SCN9A: variants seen among roughly 807,000 people sequenced by gnomAD.
SCN9A encodes sodium channel protein type 9 subunit alpha.
A neutral mutation model predicts 187.0 loss-of-function variants in SCN9A; 131 were observed. The ratio of observed to expected loss-of-function variants is 0.70; its 90% CI spans 0.61 to 0.81. SCN9A has a LOEUF of 0.81. SCN9A is among the 30% of genes least tolerant of loss of function. SCN9A has a pLI of 0.00. For missense variants in SCN9A, 2,252 were observed against 2,396.6 expected, an observed-to-expected ratio of 0.94 and a Z score of 1.26; for synonymous variants, 809 against 808.6, an observed-to-expected ratio of 1.00 and a Z score of -0.01.
At chr2:166,259,106 T>G (rs1178105548) in intron 17 of SCN9A, 1 of 151,768 alleles carries the variant, frequency 6.6e-6, no homozygotes, top group Non-Finnish European at 1.5e-5. Context: ...CAACTGTATA[T>G]GTTTCTACTT....
intron 1 of SCN9A, among the ~76,000 whole-genome samples, chr2:166,323,308 G>T (rs981436748): frequency 6.6e-6 from 1 of 152,140 alleles, no homozygotes; most frequent in Non-Finnish European, 1.5e-5. Context: ...TAGAGACTCT[G>T]TGTGCCTGGT....
intron 26 of SCN9A, among the ~76,000 whole-genome samples, chr2:166,202,233 GC>G (rs1272755686): frequency 1.4e-5 from 2 of 147,162 alleles, no homozygotes; most frequent in African/African-American, 5.0e-5. Context: ...TTTGTGTTTT[GC>G]ATAGAAAGGA....
chr2:166,312,151 T>C (rs988814228), intron 1 of SCN9A, among the ~76,000 whole-genome samples: 5 of 152,218 alleles, frequency 3.3e-5, no homozygotes, highest in Non-Finnish European at 7.3e-5. Flanking sequence ...AAAGTCTTTA[T>C]GATAATGCCT....
chr2:166,294,739 G>A, intron 7 of SCN9A, 77 bp from the exon 8 acceptor site: 2 of 953,532 alleles, frequency 2.1e-6, no homozygotes, highest in Non-Finnish European at 3.1e-6. Flanking sequence ...TAAATTAATT[G>A]ATATAGACAT....
At chr2:166,295,493 T>A (rs1698259275) in intron 7 of SCN9A, among the ~76,000 whole-genome samples, 1 of 152,132 alleles carries the variant, frequency 6.6e-6, no homozygotes, top group South Asian at 2.1e-4. Context: ...GCTGCAAACC[T>A]GTAGAGTGGG....
In SCN9A at chr2:166,336,055, TG is replaced by T. The variant is rs113195803; in HGVS notation, c.-50-24250del. On this transcript the variant is annotated intron_variant, in intron 1 of 26. Transcript: ENST00000642356. The stretch of plus-strand genomic sequence containing the variant: ...GTTACACCATTTTATGTAAAGAACT[TG>T]AGCATCTCCAGATTTCAGTATCTCA... Among the ~76,000 whole-genome samples, 1,422 of 152,190 alleles carry T rather than the reference TG, an allele frequency of 9.3e-3. 30 individuals carry two copies. The highest frequency in any genetic ancestry group is 0.031 in the African/African-American group (1,290 of 41,538).
chr2:166,311,677 A>G lies in SCN9A; in HGVS notation c.80T>C (p.Ile27Thr), dbSNP rs1291370045. The change falls in exon 2 of 27, where the codon ATT becomes ACT. Residue 27 changes from isoleucine (I) to threonine (T), a missense_variant. By Grantham distance (89) the Ile-to-Thr change is moderately conservative. Around this residue, in one of 7 missense-constraint regions of SCN9A, gnomAD observed 1,013 missense variants for 997.4 expected, o/e 1.02. Coordinates refer to ENST00000642356, the MANE Select transcript of SCN9A (RefSeq NM_001365536.1). ...KQSLALIEQRIAERKSKEPKE... is the reference protein window; with the variant it reads ...KQSLALIEQRTAERKSKEPKE... The stretch of plus-strand genomic sequence containing the variant: ...GGGTTCCTTTGATTTTCTTTCAGCA[A>G]TGCGTTGTTCAATGAGGGCAAGAGA... 1.9e-6 allele frequency: 3 copies of G among 1,613,306 alleles called. No homozygotes were observed. Among genetic ancestry groups the G allele is most frequent in the Non-Finnish European group, 2.5e-6 (3 of 1,179,638 alleles).
intron 21 of SCN9A, among the ~76,000 whole-genome samples, chr2:166,232,992 T>TA (rs1695156666): frequency 6.8e-6 from 1 of 147,420 alleles, no homozygotes; most frequent in African/African-American, 2.5e-5. Flanking sequence ...ATTTATATAT[T>TA]AGTATGCATA....
rs1195565952 is a variant in SCN9A, at chr2:166,340,572, TTCTTTCTTTCTTTC to T, written c.-50-28780_-50-28767del. 7.3e-5 allele frequency among the ~76,000 whole-genome samples: 8 copies of T among 109,658 alleles called. 1 individual carries two copies. The highest frequency in any genetic ancestry group is 1.7e-4 in the African/African-American group (4 of 22,920). The allele number at this position is 109,658 out of a possible 152,430, so 71.9% of individuals were successfully genotyped here. A position where few individuals can be genotyped will look rare whatever the true frequency, so the allele number is the denominator to read the frequency against. On this transcript the variant is annotated intron_variant, in intron 1 of 26. Transcript: ENST00000642356. ...TTTCTTTCTTTCTTTCTTTCTTTCT[TTCTTTCTTTCTTTC>T]TTTCTTTCTTTCTTTCTTTTTCTTT... is the stretch of plus-strand genomic sequence containing the variant.
At position 166,281,773 on chromosome 2, in the gene SCN9A, A is replaced by G; in HGVS notation, c.2010T>C (p.Cys670=). The change falls in exon 13 of 27, where the codon TGT becomes TGC. Residue 670 remains cysteine (C), a synonymous_variant. Transcript: ENST00000642356. ...TTNQIHKKRR[C]SSYLLSEDML... is the part of the protein sequence containing the mutation. ...TATCCTCTGAAAGGAGATAGGAACTACAACGCCTTTTCTTGTGTATTTGAT... is the reference window on the plus strand; with the variant it reads ...TATCCTCTGAAAGGAGATAGGAACTGCAACGCCTTTTCTTGTGTATTTGAT... 5 of 1,613,192 alleles carry G rather than the reference A, an allele frequency of 3.1e-6. No individual in the cohort carries two copies. The highest frequency in any genetic ancestry group is 4.2e-6 in the Non-Finnish European group (5 of 1,179,482).
chr2:166,229,498 TTTTAA>T (rs773668708), intron 21 of SCN9A, among the ~76,000 whole-genome samples: 37 of 152,110 alleles, frequency 2.4e-4, no homozygotes, highest in East Asian at 3.8e-4. Flanking sequence ...CTGGACATCA[TTTTAA>T]TTTAATTTAA....
Position 166,238,222 on chromosome 2 carries a change from T to A in SCN9A, c.3673A>T (p.Ile1225Phe), listed in dbSNP as rs922518149. ...YIERKKTIKI[I>F]LEYADKIFTY... ...AAGATCTTGTCTGCATACTCCAGGA[T>A]AATCTTAATGGTCTTTTTCCTTTCA... The change falls in exon 20 of 27, where the codon ATC becomes TTC. Residue 1225 changes from isoleucine (I) to phenylalanine (F), a missense_variant. Coordinates refer to ENST00000642356, the MANE Select transcript of SCN9A (RefSeq NM_001365536.1). 9 of 1,600,838 alleles carry A rather than the reference T, an allele frequency of 5.6e-6. No homozygotes were observed. Among genetic ancestry groups the A allele is most frequent in the Non-Finnish European group, 6.0e-6 (7 of 1,173,030 alleles).
intron 7 of SCN9A, among the ~76,000 whole-genome samples, chr2:166,297,507 A>G (rs967088459): frequency 1.1e-4 from 16 of 152,144 alleles, no homozygotes; most frequent in African/African-American, 3.9e-4. Flanking sequence ...AAGAAGCCAG[A>G]TACAAAAAGC....
Position 166,307,038 on chromosome 2 carries a change from G to A in SCN9A, c.295C>T (p.Arg99Cys), listed in dbSNP as rs1323727395. 3 of 1,611,140 alleles carry A rather than the reference G, an allele frequency of 1.9e-6. No individual in the cohort carries two copies. The highest frequency in any genetic ancestry group is 2.5e-6 in the Non-Finnish European group (3 of 1,177,632). The change falls in exon 3 of 27, where the codon CGT becomes TGT. Residue 99 changes from arginine (R) to cysteine (C), a missense_variant. By Grantham distance (180) the Arg-to-Cys change is radical. Transcript: ENST00000642356. ...TATAAAGCAGGTGTGGCATTGAAACGGAAGATTGTTTTCCCTTTGTTCAAT... is the reference window on the plus strand; with the variant it reads ...TATAAAGCAGGTGTGGCATTGAAACAGAAGATTGTTTTCCCTTTGTTCAAT... ...IVLNKGKTIF[R>C]FNATPALYML... is the part of the protein sequence containing the mutation.
intron 1 of SCN9A, among the ~76,000 whole-genome samples, chr2:166,320,821 AT>A (rs1434616990): frequency 9.2e-5 from 14 of 152,126 alleles, no homozygotes; most frequent in African/African-American, 3.1e-4. Flanking sequence ...GCTAAGTATC[AT>A]TTGTCTCTAT....
chr2:166,362,749 A>G (rs1409876653), intron 1 of SCN9A, among the ~76,000 whole-genome samples: 1 of 151,906 alleles, frequency 6.6e-6, no homozygotes, highest in Non-Finnish European at 1.5e-5. Context: ...TAAATTTATT[A>G]GGAATATAAC....
chr2:166,215,160 A>G (rs1401991675), intron 24 of SCN9A, among the ~76,000 whole-genome samples: 2 of 152,198 alleles, frequency 1.3e-5, no homozygotes, highest in Non-Finnish European at 2.9e-5. Flanking sequence ...AACAACTCAT[A>G]ATTACGTGGA....
At chr2:166,229,774 T>G (rs1695002489) in intron 21 of SCN9A, among the ~76,000 whole-genome samples, 1 of 152,232 alleles carries the variant, frequency 6.6e-6, no homozygotes, top group Admixed American at 6.5e-5. Flanking sequence ...TGTACTGCTA[T>G]TGATCACCAG....
At chr2:166,283,666 G>C (rs1269796324) in intron 12 of SCN9A, among the ~76,000 whole-genome samples, 1 of 152,068 alleles carries the variant, frequency 6.6e-6, no homozygotes, top group Non-Finnish European at 1.5e-5. Flanking sequence ...TTGCATTTCA[G>C]ATATTTTGTT....
Sources: allele counts gnomAD v4.1 joint callset (sites outside exome capture counted in the v4.1 genomes callset), GRCh38; gene constraint gnomAD v4.1.1; regional missense constraint gnomAD v4.1.1; transcripts MANE v1.5; gene names NCBI Gene and HGNC (gene_info 2026-07-23, HGNC 2026-07-21).